MECOM: variants seen among roughly 807,000 people sequenced by gnomAD.
The protein encoded by MECOM is MDS1 and EVI1 complex locus.
A neutral mutation model predicts 116.3 loss-of-function variants in MECOM; 13 were observed. That is an observed-to-expected ratio of 0.11 (90% CI 0.07 to 0.18). The LOEUF (loss-of-function observed/expected upper bound fraction) is 0.18. MECOM is among the 10% of genes least tolerant of loss of function. The probability of loss-of-function intolerance (pLI) is 1.00; values close to 1 mark genes in which losing one functional copy is unlikely to be tolerated. For missense variants in MECOM, 1,299 were observed against 1,509.0 expected (o/e 0.86, Z 2.31); for synonymous variants, 528 against 535.2 (o/e 0.99, Z 0.19).
In MECOM at chr3:169,447,171, C is replaced by G. The variant is rs369549909; in HGVS notation, c.38-65647G>C. ...CTCTGAACCACCCAATTTCTTGACCCCTTGTGAAGATGTCTACAATTCCCA... is the reference window on the plus strand; with the variant it reads ...CTCTGAACCACCCAATTTCTTGACCGCTTGTGAAGATGTCTACAATTCCCA... On this transcript the variant is annotated intron_variant, in intron 1 of 16. Coordinates refer to ENST00000651503, the MANE Select transcript of MECOM (RefSeq NM_004991.4). Among the ~76,000 whole-genome samples, 3 of 152,148 alleles carry G rather than the reference C, an allele frequency of 2.0e-5. No individual in the cohort carries two copies. In the South Asian group the frequency reaches 6.3e-4, roughly 32 times the overall value.
intron 3 of MECOM, among the ~76,000 whole-genome samples, chr3:169,132,189 G>A (rs1052729137): frequency 6.6e-6 from 1 of 152,178 alleles, no homozygotes; most frequent in African/African-American, 2.4e-5. Flanking sequence ...ATTTATTGGG[G>A]TGGTGGGGGT....
chr3:169,353,137 C>G (rs1251408904), intron 2 of MECOM, among the ~76,000 whole-genome samples: 1 of 151,850 alleles, frequency 6.6e-6, no homozygotes, highest in Non-Finnish European at 1.5e-5. Context: ...GCTACATAAG[C>G]CTAAGCATGG....
intron 16 of MECOM, among the ~76,000 whole-genome samples, chr3:169,088,027 T>A (rs1718398138): frequency 1.3e-5 from 2 of 152,196 alleles, no homozygotes; most frequent in African/African-American, 4.8e-5. Context: ...ATTGACACAA[T>A]GTTTTTCCCA....
intron 2 of MECOM, among the ~76,000 whole-genome samples, chr3:169,331,691 C>A (rs985318958): frequency 6.6e-6 from 1 of 152,046 alleles, no homozygotes; most frequent in African/African-American, 2.4e-5. Context: ...CATAAATTGA[C>A]CCTACTATAA....
intron 2 of MECOM, among the ~76,000 whole-genome samples, chr3:169,163,806 G>C (rs1176710842): frequency 6.6e-6 from 1 of 152,086 alleles, no homozygotes; most frequent in Non-Finnish European, 1.5e-5. Context: ...GTCACTCCGA[G>C]CCAACCACTG....
chr3:169,463,006 T>C (rs1056354939), intron 1 of MECOM, among the ~76,000 whole-genome samples: 1 of 152,216 alleles, frequency 6.6e-6, no homozygotes, highest in African/African-American at 2.4e-5. Flanking sequence ...AGTTTTCCTG[T>C]TGGCAAGCAT....
chr3:169,346,795 C>G (rs528451364), intron 2 of MECOM, among the ~76,000 whole-genome samples: 1 of 152,076 alleles, frequency 6.6e-6, no homozygotes, highest in East Asian at 1.9e-4. Flanking sequence ...ATATGCTGCT[C>G]TCAGCATATA....
intron 1 of MECOM, among the ~76,000 whole-genome samples, chr3:169,536,987 AC>A (rs1560405743): frequency 6.6e-6 from 1 of 152,184 alleles, no homozygotes; most frequent in Non-Finnish European, 1.5e-5. Flanking sequence ...CCAAGGCCCC[AC>A]AACTACTGAG....
In MECOM at chr3:169,385,220, G is replaced by A. The variant is rs192907548; in HGVS notation, c.38-3696C>T. Among the ~76,000 whole-genome samples the A allele has an allele frequency of 1.1e-4, 17 of 152,096 alleles. No individual in the cohort carries two copies. In the East Asian group the frequency reaches 3.3e-3, roughly 29 times the overall value. ...CTCTCCCAATGCATAATCTAAGCGAGTGCATTTAGATTTCAGTTCCTGTGG... is the reference window on the plus strand; with the variant it reads ...CTCTCCCAATGCATAATCTAAGCGAATGCATTTAGATTTCAGTTCCTGTGG... On this transcript the variant is annotated intron_variant, in intron 1 of 16. Coordinates refer to ENST00000651503, the MANE Select transcript of MECOM (RefSeq NM_004991.4).
chr3:169,452,395 A>G (rs1026186403), intron 1 of MECOM, among the ~76,000 whole-genome samples: 1 of 152,220 alleles, frequency 6.6e-6, no homozygotes, highest in African/African-American at 2.4e-5. Flanking sequence ...GAAATGCACT[A>G]CATAAATCTA....
intron 1 of MECOM, among the ~76,000 whole-genome samples, chr3:169,629,298 C>A (rs1401553407): frequency 3.3e-5 from 5 of 151,822 alleles, no homozygotes; most frequent in Admixed American, 3.3e-4. Flanking sequence ...ACCATGCAGA[C>A]AATGTGGTTT....
At chr3:169,519,827 G>C (rs757089427) in intron 1 of MECOM, among the ~76,000 whole-genome samples, 1 of 152,212 alleles carries the variant, frequency 6.6e-6, no homozygotes, top group Non-Finnish European at 1.5e-5. Context: ...GGCAACAACA[G>C]CCATTTTCCT....
At chr3:169,601,524 T>C (rs1205096205) in intron 1 of MECOM, among the ~76,000 whole-genome samples, 1 of 152,172 alleles carries the variant, frequency 6.6e-6, no homozygotes, top group East Asian at 1.9e-4. Flanking sequence ...AGAAGGATGG[T>C]CCTGCGCCGC....
At chr3:169,190,415 A>G (rs922267306) in intron 2 of MECOM, among the ~76,000 whole-genome samples, 6 of 152,050 alleles carry the variant, frequency 3.9e-5, no homozygotes, top group Admixed American at 1.3e-4. Context: ...TTTATGATCT[A>G]TATCAGATGA....
chr3:169,345,017 C>T (rs1725108244), intron 2 of MECOM, among the ~76,000 whole-genome samples: 2 of 152,152 alleles, frequency 1.3e-5, no homozygotes, highest in South Asian at 4.1e-4. Flanking sequence ...TACTGCTGCA[C>T]ATTATCACAG....
intron 1 of MECOM, among the ~76,000 whole-genome samples, chr3:169,482,254 G>T (rs368520116): frequency 1.6e-4 from 25 of 151,684 alleles, no homozygotes; most frequent in African/African-American, 6.1e-4. Flanking sequence ...ACACTGGGGC[G>T]TGTACTCGCC....
chr3:169,663,248 C>A, intron 1 of MECOM, 88 bp downstream of exon 1: 1 of 1,498,710 alleles, frequency 6.7e-7, no homozygotes, highest in Non-Finnish European at 9.1e-7. Flanking sequence ...CAAGAGGCAG[C>A]CCGCGCTCCC....
At chr3:169,109,264 G>C (rs933299455) in intron 9 of MECOM, among the ~76,000 whole-genome samples, 3 of 152,148 alleles carry the variant, frequency 2.0e-5, no homozygotes, top group African/African-American at 7.2e-5. Flanking sequence ...TTCTCCCTTA[G>C]AGTAAACTAA....
At chr3:169,298,195 T>C (rs1217301338) in intron 2 of MECOM, among the ~76,000 whole-genome samples, 2 of 152,204 alleles carry the variant, frequency 1.3e-5, no homozygotes, top group Non-Finnish European at 2.9e-5. Flanking sequence ...ATTAGCTTTA[T>C]GGTATCTGTA....
Sources: gnomAD v4.1 joint callset for allele counts (sites outside exome capture counted in the v4.1 genomes callset) on GRCh38, gnomAD v4.1.1 for gene constraint, MANE v1.5 for transcripts, NCBI Gene and HGNC (gene_info 2026-07-23, HGNC 2026-07-21) for gene names.